The following ZYG11B variants were observed in gnomAD, a reference collection of about 807,000 sequenced individuals.
The protein encoded by ZYG11B is zyg-11 family member B, cell cycle regulator.
In ZYG11B, 36 loss-of-function variants were observed where a neutral mutation model predicts 82.4. The ratio of observed to expected loss-of-function variants is 0.44; its 90% CI spans 0.33 to 0.58. The LOEUF (loss-of-function observed/expected upper bound fraction) is 0.58. ZYG11B is among the 20% of genes least tolerant of loss of function. The pLI is 0.02. For synonymous variants in ZYG11B, 303 were observed against 312.8 expected, an observed-to-expected ratio of 0.97 and a Z score of 0.33; for missense variants, 552 against 895.6, an observed-to-expected ratio of 0.62 and a Z score of 4.90.
intron 2 of ZYG11B, among the ~76,000 whole-genome samples, chr1:52,765,290 ACTC>A (rs1644672723): frequency 6.6e-6 from 1 of 151,650 alleles, no homozygotes; most frequent in African/African-American, 2.4e-5. Context: ...GCAGCCTTGA[ACTC>A]CTGGACTCAA....
chr1:52,764,656 G>A (rs914200991), intron 2 of ZYG11B, among the ~76,000 whole-genome samples: 21 of 152,236 alleles, frequency 1.4e-4, no homozygotes, highest in South Asian at 2.1e-4. Context: ...TTCATGGAGC[G>A]TATAGTCCAG....
At chr1:52,819,553 C>G (rs886464748) in intron 13 of ZYG11B, among the ~76,000 whole-genome samples, 1 of 151,908 alleles carries the variant, frequency 6.6e-6, no homozygotes, top group Non-Finnish European at 1.5e-5. Context: ...TTTCGGAGGC[C>G]AAGGCGGGTG....
chr1:52,776,229 A>AAAAAAAAAAAAAAAATATATATATATAT, intron 3 of ZYG11B, among the ~76,000 whole-genome samples: 25 of 23,528 alleles, frequency 1.1e-3, no homozygotes, highest in African/African-American at 2.2e-3. Flanking sequence ...TAAAAAAAAA[A>AAAAAAAAAAAAAAAATATATATATATAT]ATATATATAT....
rs747809612 is a variant in ZYG11B at position 52,811,033 on chromosome 1, CA to C, written c.1696-2484del. On this transcript the variant is annotated intron_variant, in intron 10 of 13. Transcript: ENST00000294353. The stretch of plus-strand genomic sequence containing the variant: ...TGAGCGACCGAGCAAGGCTCCGTCT[CA>C]AAAAAAAAAAAAAAAAAAGAGAAAT... 1.6e-3 allele frequency among the ~76,000 whole-genome samples: 65 copies of C among 40,812 alleles called. 1 individual carries two copies. Among genetic ancestry groups the C allele is most frequent in the South Asian group, 5.1e-3 (7 of 1,374 alleles). The allele number at this position is 40,812 out of a possible 152,430, so 26.8% of individuals were successfully genotyped here.
intron 1 of ZYG11B, among the ~76,000 whole-genome samples, chr1:52,743,940 C>G (rs1222043586): frequency 6.7e-6 from 1 of 148,746 alleles, no homozygotes; most frequent in Non-Finnish European, 1.5e-5. Flanking sequence ...TCTTTTCTTT[C>G]TTTTTTTTTT....
intron 10 of ZYG11B, among the ~76,000 whole-genome samples, chr1:52,803,233 TATATATACACACACAC>T (rs1378969158): frequency 0.036 from 2,652 of 73,852 alleles, 166 homozygotes; most frequent in Non-Finnish European, 0.038. Flanking sequence ...TACACACATA[TATATATACACACACAC>T]ATATATATAT....
chr1:52,813,259 G>A (rs1051923438), intron 10 of ZYG11B, among the ~76,000 whole-genome samples: 1 of 152,136 alleles, frequency 6.6e-6, no homozygotes, highest in Non-Finnish European at 1.5e-5. Context: ...GTCTCTGAGT[G>A]TGGAGCTTTG....
intron 10 of ZYG11B, chr1:52,805,334 A>C (rs1645133398): frequency 2.9e-6 from 1 of 344,266 alleles, no homozygotes; most frequent in African/African-American, 2.2e-5. Flanking sequence ...TTTTTAGGAA[A>C]GCTGAGGACT....
intron 10 of ZYG11B, among the ~76,000 whole-genome samples, chr1:52,803,279 C>CACACACAT (rs369258244): frequency 8.7e-4 from 59 of 68,094 alleles, no homozygotes; most frequent in Non-Finnish European, 1.2e-3. Context: ...CACACACACA[C>CACACACAT]ATATATATAT....
At chr1:52,734,896 T>G (rs1421592243) in intron 1 of ZYG11B, among the ~76,000 whole-genome samples, 1 of 147,220 alleles carries the variant, frequency 6.8e-6, no homozygotes, top group Non-Finnish European at 1.5e-5. Flanking sequence ...GCTCAGCTAA[T>G]TTTTGTATTT....
At position 52,827,000 on chromosome 1, in the gene ZYG11B, C is replaced by T. The variant is rs1055867331; in HGVS notation, c.*5371C>T. 6.6e-6 allele frequency: 1 copy of T among 152,290 alleles called. No individual in the cohort carries two copies. Among genetic ancestry groups the T allele is most frequent in the African/African-American group, 2.4e-5 (1 of 41,568 alleles). 9.4% of individuals were successfully genotyped at this position (152,290 alleles called of 1,614,324 possible). Reference sequence around the variant, plus strand: ...CTTTATACTCTCAGATAATCTGCAACAACAAAAATTAAGAAATCCCTGACT... The same window carrying T: ...CTTTATACTCTCAGATAATCTGCAATAACAAAAATTAAGAAATCCCTGACT... On this transcript the variant is annotated 3_prime_UTR_variant, in exon 14 of 14. Transcript: ENST00000294353.
At chr1:52,735,409 G>C (rs1226836720) in intron 1 of ZYG11B, among the ~76,000 whole-genome samples, 1 of 152,116 alleles carries the variant, frequency 6.6e-6, no homozygotes, top group Non-Finnish European at 1.5e-5. Flanking sequence ...AATGCTACAA[G>C]TATTATTCTC....
At position 52,811,995 on chromosome 1, in the gene ZYG11B, CACTCCAGCCTGGG is replaced by C. The variant is rs570433418; in HGVS notation, c.1696-1540_1696-1528del. ...GCAGTGAGCTGAGATCGCGCCACTG[CACTCCAGCCTGGG>C]CGAGAGCGAGACTCCATCTAAAAAA... On this transcript the variant is annotated intron_variant, in intron 10 of 13. Coordinates refer to ENST00000294353, the MANE Select transcript of ZYG11B (RefSeq NM_024646.3). Among the ~76,000 whole-genome samples, 93 of 152,092 alleles carry C rather than the reference CACTCCAGCCTGGG, an allele frequency of 6.1e-4. No homozygotes were observed. In the South Asian group the frequency reaches 0.017, roughly 29 times the overall value.
chr1:52,757,594 G>T (rs998546963), intron 2 of ZYG11B, among the ~76,000 whole-genome samples: 2 of 152,006 alleles, frequency 1.3e-5, no homozygotes, highest in Non-Finnish European at 2.9e-5. Context: ...AGAATCGCTT[G>T]AACCCAGGAG....
chr1:52,795,248 G>A (rs1379105031), intron 6 of ZYG11B, among the ~76,000 whole-genome samples: 2 of 152,048 alleles, frequency 1.3e-5, no homozygotes, highest in Non-Finnish European at 2.9e-5. Context: ...TAGCACCTCC[G>A]GCTTTGCCCT....
chr1:52,726,777 T>A, intron 1 of ZYG11B, 94 bp downstream of exon 1: 1 of 1,264,968 alleles, frequency 7.9e-7, no homozygotes, highest in Non-Finnish European at 1.0e-6. Flanking sequence ...TCCCTGTCTC[T>A]GGTGTCCCCT....
chr1:52,765,276 C>G (rs969759139), intron 2 of ZYG11B, among the ~76,000 whole-genome samples: 2 of 152,044 alleles, frequency 1.3e-5, no homozygotes, highest in Non-Finnish European at 2.9e-5. Context: ...GATCATAGCT[C>G]ACTGCAGCCT....
At chr1:52,797,170 TTA>T (rs61312816) in intron 8 of ZYG11B, among the ~76,000 whole-genome samples, 2,658 of 62,580 alleles carry the variant, frequency 0.042, 178 homozygotes, top group African/African-American at 0.2. Context: ...ATATTATATA[TTA>T]TATATATTTA....
intron 1 of ZYG11B, 36 bp downstream of exon 1, chr1:52,726,719 C>A (rs1266767631): frequency 2.7e-6 from 4 of 1,458,768 alleles, no homozygotes; most frequent in Admixed American, 2.5e-5. Flanking sequence ...CGCAGCCGCC[C>A]GCCACCCTAG....
Sources: allele counts gnomAD v4.1 joint callset (sites outside exome capture counted in the v4.1 genomes callset), GRCh38; gene constraint gnomAD v4.1.1; transcripts MANE v1.5; gene names NCBI Gene and HGNC (gene_info 2026-07-23, HGNC 2026-07-21).